Variants in TENM3 observed in about 807,000 individuals in gnomAD.
TENM3 encodes the protein teneurin transmembrane protein 3, also known as teneurin-3.
In TENM3, 63 loss-of-function variants were observed where a neutral mutation model predicts 255.1. That is an observed-to-expected ratio of 0.25 (90% CI 0.20 to 0.30). The LOEUF is 0.30. Ranked by LOEUF, TENM3 falls within the 10% of genes least tolerant of loss-of-function variation. TENM3 has a pLI of 1.00. For missense variants in TENM3, 2,929 were observed against 3,461.1 expected (o/e 0.85, Z 3.86); for synonymous variants, 1,306 against 1,322.3 (o/e 0.99, Z 0.27).
At chr4:181,863,147 A>G in the TENM3 span, among the ~76,000 whole-genome samples, 38 of 152,202 alleles carry the variant, frequency 2.5e-4, no homozygotes, top group Admixed American at 2.5e-3. Flanking sequence ...TTGAAAGAAT[A>G]GAGCTCAGAA....
chr4:181,573,089 C>T, the TENM3 span, among the ~76,000 whole-genome samples: 1 of 152,198 alleles, frequency 6.6e-6, no homozygotes, highest in African/African-American at 2.4e-5. Flanking sequence ...TTTCTTATGA[C>T]TGAATAGTAT....
intron 3 of TENM3, among the ~76,000 whole-genome samples, chr4:182,534,559 T>C (rs565393530): frequency 7.1e-4 from 108 of 152,312 alleles, no homozygotes; most frequent in African/African-American, 2.5e-3. Context: ...AGTAAACACA[T>C]GGTCACTGGA....
At chr4:182,701,728 G>A (rs778237797) in intron 12 of TENM3, among the ~76,000 whole-genome samples, 7 of 152,142 alleles carry the variant, frequency 4.6e-5, no homozygotes, top group South Asian at 2.1e-4. Flanking sequence ...AGAACAAACC[G>A]CATAGCAAAA....
At chr4:182,075,259 T>G in the TENM3 span, among the ~76,000 whole-genome samples, 1 of 147,040 alleles carries the variant, frequency 6.8e-6, no homozygotes, top group African/African-American at 2.6e-5. Flanking sequence ...AGTGCAGTGA[T>G]GCAGTCTCCG....
chr4:181,865,943 C>G, the TENM3 span, among the ~76,000 whole-genome samples: 2 of 152,164 alleles, frequency 1.3e-5, no homozygotes, highest in African/African-American at 2.4e-5. Flanking sequence ...AGTTACCACT[C>G]TTTATAAACC....
chr4:182,526,053 T>C (rs748721408), intron 3 of TENM3, among the ~76,000 whole-genome samples: 9 of 152,090 alleles, frequency 5.9e-5, no homozygotes, highest in Admixed American at 5.2e-4. Context: ...GATCTCGGCT[T>C]ACTGCAAGCT....
the TENM3 span, among the ~76,000 whole-genome samples, chr4:181,722,909 G>A: frequency 1.9e-4 from 29 of 152,082 alleles, no homozygotes; most frequent in Admixed American, 2.6e-4. Context: ...ATTGTGTGTA[G>A]GGGTCTAGAA....
chr4:181,884,117 T>G, the TENM3 span, among the ~76,000 whole-genome samples: 2 of 152,158 alleles, frequency 1.3e-5, no homozygotes, highest in Non-Finnish European at 2.9e-5. Flanking sequence ...GGCATACTGA[T>G]AAGTTTATCT....
chr4:182,376,201 A>G (rs1767169848), intron 3 of TENM3, among the ~76,000 whole-genome samples: 1 of 152,208 alleles, frequency 6.6e-6, no homozygotes, highest in Non-Finnish European at 1.5e-5. Flanking sequence ...ATTGTAGAAT[A>G]CTGTAAGGGG....
chr4:182,618,244 C>T (rs1040996160), intron 4 of TENM3, among the ~76,000 whole-genome samples: 5 of 152,000 alleles, frequency 3.3e-5, no homozygotes, highest in African/African-American at 1.2e-4. Flanking sequence ...ACACATTTTC[C>T]AGGGATGCTT....
At chr4:182,770,271 A>G (rs1470721346) in intron 22 of TENM3, among the ~76,000 whole-genome samples, 4 of 152,034 alleles carry the variant, frequency 2.6e-5, no homozygotes, top group African/African-American at 9.7e-5. Flanking sequence ...GGTTTGTAAA[A>G]TTGGCAAGTC....
the TENM3 span, among the ~76,000 whole-genome samples, chr4:181,849,170 T>C: frequency 6.6e-6 from 1 of 152,296 alleles, no homozygotes; most frequent in East Asian, 1.9e-4. Context: ...AATATTCCTG[T>C]CTACAACCAA....
chr4:181,773,144 T>G, the TENM3 span, among the ~76,000 whole-genome samples: 1 of 152,146 alleles, frequency 6.6e-6, no homozygotes, highest in Non-Finnish European at 1.5e-5. Context: ...CTCATCCAGA[T>G]TTTTCTTCTT....
In TENM3 at chr4:182,257,317, T is replaced by C. The variant is rs1339466173; in HGVS notation, c.-76+13841T>C. Among the ~76,000 whole-genome samples, 7 of 152,212 alleles carry C rather than the reference T, an allele frequency of 4.6e-5. No individual in the cohort carries two copies. In the East Asian group the frequency reaches 7.7e-4, roughly 17 times the overall value. On this transcript the variant is annotated intron_variant, in intron 1 of 27. Coordinates refer to ENST00000511685, the MANE Select transcript of TENM3 (RefSeq NM_001080477.4). ...ATATACATATGTGTGTGTGTTTGTG[T>C]GTGTTATATACACATAGGTATTTTT...
the TENM3 span, among the ~76,000 whole-genome samples, chr4:181,931,279 C>A: frequency 4.6e-5 from 7 of 152,128 alleles, no homozygotes; most frequent in Admixed American, 2.0e-4. Flanking sequence ...TCATCTCAGC[C>A]CAAAATATCC....
the TENM3 span, among the ~76,000 whole-genome samples, chr4:181,585,685 C>T: frequency 3.3e-5 from 5 of 152,086 alleles, no homozygotes; most frequent in Admixed American, 3.3e-4. Flanking sequence ...GAGGCCATTT[C>T]AATCACATGC....
the TENM3 span, among the ~76,000 whole-genome samples, chr4:181,764,180 A>G: frequency 4.6e-5 from 7 of 152,310 alleles, no homozygotes; most frequent in South Asian, 1.5e-3. Context: ...AAAAGAAAAA[A>G]CTTCATATTA....
chr4:181,669,839 T>C, the TENM3 span, among the ~76,000 whole-genome samples: 1 of 152,162 alleles, frequency 6.6e-6, no homozygotes, highest in South Asian at 2.1e-4. Flanking sequence ...CCTTGTTCGA[T>C]GGGACCTCTA....
intron 1 of TENM3, among the ~76,000 whole-genome samples, chr4:182,282,669 G>A (rs1760462133): frequency 6.6e-6 from 1 of 152,054 alleles, no homozygotes; most frequent in Non-Finnish European, 1.5e-5. Flanking sequence ...TAGGCAGTCG[G>A]ATCACCTGAG....
Sources: gnomAD v4.1 joint callset for allele counts (sites outside exome capture counted in the v4.1 genomes callset) on GRCh38, gnomAD v4.1.1 for gene constraint, MANE v1.5 for transcripts, NCBI Gene and HGNC (gene_info 2026-07-23, HGNC 2026-07-21) for gene names.